Variants in RASAL2 observed in about 807,000 individuals in gnomAD.
The protein encoded by RASAL2 is RAS protein activator like 2, also known as ras GTPase-activating protein nGAP.
Under a neutral mutation model 128.9 loss-of-function variants are expected in RASAL2, and 58 were observed. That is an observed-to-expected ratio of 0.45 (90% CI 0.36 to 0.56). The LOEUF is 0.56. Ranked by LOEUF, RASAL2 falls within the 20% of genes least tolerant of loss-of-function variation. The pLI, the probability that RASAL2 is intolerant of heterozygous loss-of-function variation, is 0.00. For missense variants in RASAL2, 1,360 were observed against 1,601.6 expected (o/e 0.85, Z 2.57); for synonymous variants, 561 against 580.8 (o/e 0.97, Z 0.49).
rs1046753318 is a variant in RASAL2 at position 178,476,686 on chromosome 1, C to T, written c.*3447C>T. On this transcript the variant is annotated 3_prime_UTR_variant, in exon 18 of 18. Coordinates refer to ENST00000367649, the MANE Select transcript of RASAL2 (RefSeq NM_170692.4). ...TACCTAAGACTGCTACAAGTGTTAACTATATGCCCTTAAGAATGAGCTTGA... is the reference window on the plus strand; with the variant it reads ...TACCTAAGACTGCTACAAGTGTTAATTATATGCCCTTAAGAATGAGCTTGA... The T allele has an allele frequency of 1.3e-5, 2 of 152,148 alleles. No homozygotes were observed. The highest frequency in any genetic ancestry group is 2.9e-5 in the Non-Finnish European group (2 of 68,016). The allele number at this position is 152,148 out of a possible 1,614,324, so 9.4% of individuals were successfully genotyped here. A position where few individuals can be genotyped will look rare whatever the true frequency, so the allele number is the denominator to read the frequency against.
chr1:178,111,475 G>A (rs1055824111), intron 1 of RASAL2, among the ~76,000 whole-genome samples: 1 of 152,140 alleles, frequency 6.6e-6, no homozygotes, highest in Non-Finnish European at 1.5e-5. Flanking sequence ...CCCACTAGCA[G>A]TGTGTGGCAG....
chr1:178,117,273 G>A (rs142227075), intron 1 of RASAL2, among the ~76,000 whole-genome samples: 168 of 152,260 alleles, frequency 1.1e-3, no homozygotes, highest in African/African-American at 3.8e-3. Flanking sequence ...AGCTTTTGGG[G>A]CTAGCATCTC....
intron 5 of RASAL2, among the ~76,000 whole-genome samples, chr1:178,424,161 G>T (rs1195303856): frequency 1.3e-5 from 2 of 151,302 alleles, no homozygotes; most frequent in African/African-American, 4.9e-5. Context: ...TATCTGGAGC[G>T]ATCCAGAGGA....
intron 1 of RASAL2, among the ~76,000 whole-genome samples, chr1:178,165,505 C>G (rs1313317824): frequency 6.6e-6 from 1 of 152,142 alleles, no homozygotes; most frequent in African/African-American, 2.4e-5. Context: ...ATGTCAGAGT[C>G]TTGAGCATTT....
At chr1:178,311,575 G>A (rs1192573273) in intron 3 of RASAL2, among the ~76,000 whole-genome samples, 1 of 152,016 alleles carries the variant, frequency 6.6e-6, no homozygotes. Context: ...CTTTGGATTG[G>A]GAGATACTAG....
intron 3 of RASAL2, among the ~76,000 whole-genome samples, chr1:178,322,230 A>G (rs1374810043): frequency 6.6e-6 from 1 of 151,714 alleles, no homozygotes; most frequent in East Asian, 1.9e-4. Flanking sequence ...CTTCTGTGAC[A>G]TTTTTTCCTC....
chr1:178,267,605 C>A (rs555638660), intron 1 of RASAL2, among the ~76,000 whole-genome samples: 1 of 145,464 alleles, frequency 6.9e-6, no homozygotes, highest in East Asian at 2.0e-4. Context: ...TACCAGGTAA[C>A]GTATCAGATC....
At chr1:178,341,748 T>C (rs1053228519) in intron 3 of RASAL2, 19 of 1,222,866 alleles carry the variant, frequency 1.6e-5, no homozygotes, top group East Asian at 2.5e-5. Context: ...TTTTTATTGC[T>C]GTGAGTTCAC....
rs1201660962 is a variant in RASAL2, at chr1:178,442,607, C to A, written c.928-68C>A. 3.6e-6 allele frequency: 5 copies of A among 1,404,946 alleles called. No individual in the cohort carries two copies. The Admixed American group carries it at 9.3e-5, about 26-fold the overall frequency. 87.0% of individuals were successfully genotyped at this position (1,404,946 alleles called of 1,614,324 possible). ...TAGAGTACCTAATGAACATTGCCAA[C>A]TTAAGAAAAAAATGTTTTTTTTTCT... On this transcript the variant is annotated intron_variant, in intron 7 of 17. Transcript: ENST00000367649.
chr1:178,240,881 T>C (rs1664468844), intron 1 of RASAL2, among the ~76,000 whole-genome samples: 1 of 151,322 alleles, frequency 6.6e-6, no homozygotes, highest in African/African-American at 2.4e-5. Context: ...ATTTTGTTAG[T>C]TTTTAAGGTT....
chr1:178,246,249 G>A (rs772215107), intron 1 of RASAL2, among the ~76,000 whole-genome samples: 5 of 152,100 alleles, frequency 3.3e-5, no homozygotes, highest in Non-Finnish European at 7.4e-5. Flanking sequence ...TCCTTGAGCA[G>A]TGGTTTGTAG....
At chr1:178,256,790 C>T (rs746291409) in intron 1 of RASAL2, among the ~76,000 whole-genome samples, 8 of 152,114 alleles carry the variant, frequency 5.3e-5, no homozygotes, top group Non-Finnish European at 1.2e-4. Flanking sequence ...TCTCCTGACT[C>T]AGCCTCCCGA....
chr1:178,445,732 A>T, intron 9 of RASAL2, 70 bp downstream of exon 9: 1 of 1,453,204 alleles, frequency 6.9e-7, no homozygotes, highest in Non-Finnish European at 9.2e-7. Flanking sequence ...CCCCCATGAG[A>T]CGAATTGAGC....
Position 178,234,517 on chromosome 1 carries a change from T to C in RASAL2, c.203-49047T>C, listed in dbSNP as rs74128889. Reference sequence around the variant, plus strand: ...TTTTTAAAAATCTTATTTGGGACTTTTTAAAATTTAAAAATTATTTCATAT... The same window carrying C: ...TTTTTAAAAATCTTATTTGGGACTTCTTAAAATTTAAAAATTATTTCATAT... On this transcript the variant is annotated intron_variant, in intron 1 of 17. Transcript: ENST00000367649. 5.5e-3 allele frequency among the ~76,000 whole-genome samples: 843 copies of C among 152,308 alleles called. 10 individuals are homozygous for C. Among genetic ancestry groups the C allele is most frequent in the African/African-American group, 0.019 (790 of 41,578 alleles).
intron 1 of RASAL2, among the ~76,000 whole-genome samples, chr1:178,121,661 T>C (rs1443727954): frequency 1.3e-5 from 2 of 152,042 alleles, no homozygotes; most frequent in Admixed American, 1.3e-4. Flanking sequence ...AAGTTTTATA[T>C]TTTTAGTAGA....
intron 3 of RASAL2, among the ~76,000 whole-genome samples, chr1:178,374,915 C>T (rs993442806): frequency 6.6e-6 from 1 of 152,000 alleles, no homozygotes; most frequent in Non-Finnish European, 1.5e-5. Context: ...TGGCTGGATA[C>T]AGAGAAGTAT....
At chr1:178,275,099 T>C (rs1025728470) in intron 1 of RASAL2, among the ~76,000 whole-genome samples, 3 of 152,246 alleles carry the variant, frequency 2.0e-5, no homozygotes, top group Non-Finnish European at 4.4e-5. Context: ...CTCATCTTAC[T>C]GCTGGCACCA....
At chr1:178,358,840 G>C (rs1001621463) in intron 3 of RASAL2, among the ~76,000 whole-genome samples, 3 of 152,134 alleles carry the variant, frequency 2.0e-5, no homozygotes, top group Admixed American at 1.3e-4. Flanking sequence ...GTTCACAGCA[G>C]CACTGACACC....
In RASAL2 at chr1:178,458,515, A is replaced by G; in HGVS notation, c.3223A>G (p.Arg1075Gly). 2 of 1,612,480 alleles carry G rather than the reference A, an allele frequency of 1.2e-6. No homozygotes were observed. Among genetic ancestry groups the G allele is most frequent in the Non-Finnish European group, 1.7e-6 (2 of 1,179,184 alleles). ...SSRESPVPKV[R>G]AIQRQQTQQV... ...CAGAGAGAGCCCTGTTCCCAAAGTT[A>G]GAGCAATCCAGAGACAACAGACACA... The change falls in exon 14 of 18, where the codon AGA becomes GGA. Residue 1075 changes from arginine (R) to glycine (G), a missense_variant. Around this residue, in one of 3 missense-constraint regions of RASAL2, gnomAD observed 741 missense variants for 868.6 expected, o/e 0.85. Coordinates refer to ENST00000367649, the MANE Select transcript of RASAL2 (RefSeq NM_170692.4).
Sources: gnomAD v4.1 joint callset for allele counts (sites outside exome capture counted in the v4.1 genomes callset) on GRCh38, gnomAD v4.1.1 for gene constraint, gnomAD v4.1.1 regional missense constraint, MANE v1.5 for transcripts, NCBI Gene and HGNC (gene_info 2026-07-23, HGNC 2026-07-21) for gene names.